The following PIERCE1 variants were observed in gnomAD, a reference collection of about 807,000 sequenced individuals.
The protein encoded by PIERCE1 is piercer of microtubule wall 1 protein.
the PIERCE1 span, chr9:135,498,540 C>A: frequency 1.9e-6 from 3 of 1,578,448 alleles, no homozygotes; most frequent in South Asian, 2.2e-5. This position sits in a 1 kb window ranked among gnomAD's most constrained non-coding sequence, Gnocchi z 4.1. Context: ...CTTCTTGAGG[C>A]CACCCACCCC....
the PIERCE1 span, among the ~76,000 whole-genome samples, chr9:135,496,485 C>T: frequency 2.6e-5 from 4 of 152,346 alleles, no homozygotes; most frequent in South Asian, 2.1e-4. Context: ...TCCTGTGCCA[C>T]GCACATCACC....
At chr9:135,498,683 C>T in the PIERCE1 span, 2 of 1,603,622 alleles carry the variant, frequency 1.2e-6, no homozygotes, top group South Asian at 1.1e-5. This position sits in a 1 kb window ranked among gnomAD's most constrained non-coding sequence, Gnocchi z 4.1. Context: ...GAGAAACACT[C>T]TATTTTCATT....
At chr9:135,498,615 C>T in the PIERCE1 span, 1 of 1,614,044 alleles carries the variant, frequency 6.2e-7, no homozygotes, top group Non-Finnish European at 8.5e-7. The surrounding 1 kb of genome is among the most constrained non-coding windows in gnomAD (Gnocchi z 4.1). Context: ...GGGCTCTGCT[C>T]CCGTAAGCCT....
chr9:135,499,823 G>A, the PIERCE1 span: 2 of 1,601,864 alleles, frequency 1.2e-6, no homozygotes, highest in Non-Finnish European at 1.7e-6. Context: ...CACAGGCTCC[G>A]CGCACGCTCT....
the PIERCE1 span, among the ~76,000 whole-genome samples, chr9:135,496,345 G>A: frequency 3.3e-5 from 5 of 152,328 alleles, no homozygotes; most frequent in African/African-American, 4.8e-5. Context: ...CCACTCGTGT[G>A]GGCGGGCACC....
chr9:135,498,564 C>G, the PIERCE1 span: 1 of 1,612,744 alleles, frequency 6.2e-7, no homozygotes, highest in Non-Finnish European at 8.5e-7. The surrounding 1 kb of genome is among the most constrained non-coding windows in gnomAD (Gnocchi z 4.1). Context: ...CCCCCCATGC[C>G]CGGTCTTGCA....
chr9:135,499,335 T>C, the PIERCE1 span: 2 of 473,448 alleles, frequency 4.2e-6, no homozygotes, highest in Non-Finnish European at 8.2e-6. Flanking sequence ...TAGCCTGCAA[T>C]GCCCTGTGGC....
At chr9:135,496,143 C>T in the PIERCE1 span, among the ~76,000 whole-genome samples, 27 of 152,136 alleles carry the variant, frequency 1.8e-4, 1 homozygote, top group East Asian at 3.3e-3. Context: ...AGTGAAATGC[C>T]GTCTCTACTA....
chr9:135,496,190 G>A, the PIERCE1 span, among the ~76,000 whole-genome samples: 18 of 152,188 alleles, frequency 1.2e-4, no homozygotes, highest in African/African-American at 2.9e-4. Flanking sequence ...GGTGGCGGGC[G>A]CATGTAATCC....
the PIERCE1 span, among the ~76,000 whole-genome samples, chr9:135,498,089 TC>T: frequency 6.6e-6 from 1 of 151,918 alleles, no homozygotes; most frequent in Non-Finnish European, 1.5e-5. The surrounding 1 kb of genome is among the most constrained non-coding windows in gnomAD (Gnocchi z 4.1). Flanking sequence ...GGGTTTGGCT[TC>T]CCCAATGGCC....
the PIERCE1 span, chr9:135,498,623 C>A: frequency 6.2e-7 from 1 of 1,614,050 alleles, no homozygotes; most frequent in Admixed American, 1.7e-5. This position sits in a 1 kb window ranked among gnomAD's most constrained non-coding sequence, Gnocchi z 4.1. Flanking sequence ...CTCCCGTAAG[C>A]CTGGTTACTG....
chr9:135,495,658 CTT>C, the PIERCE1 span: 1 of 1,463,112 alleles, frequency 6.8e-7, no homozygotes, highest in Non-Finnish European at 9.4e-7. Context: ...GTATAATACT[CTT>C]GAGCAATCCG....
the PIERCE1 span, chr9:135,499,850 A>C: frequency 6.3e-7 from 1 of 1,575,206 alleles, no homozygotes; most frequent in Non-Finnish European, 8.6e-7. Flanking sequence ...TTCCTCAGCC[A>C]TTGTGCCTGG....
At chr9:135,498,783 G>A in the PIERCE1 span, 125 of 919,348 alleles carry the variant, frequency 1.4e-4, no homozygotes, top group African/African-American at 1.3e-3. The surrounding 1 kb of genome is among the most constrained non-coding windows in gnomAD (Gnocchi z 4.1). Context: ...CAATATGCCC[G>A]GGCTGGTGAT....
At chr9:135,499,694 C>T in the PIERCE1 span, 2 of 1,607,032 alleles carry the variant, frequency 1.2e-6, no homozygotes, top group Admixed American at 3.4e-5. Context: ...ACCAGGCGGG[C>T]CCCAGCTTCC....
the PIERCE1 span, chr9:135,498,551 C>T: frequency 6.2e-7 from 1 of 1,605,102 alleles, no homozygotes; most frequent in Non-Finnish European, 8.5e-7. This position sits in a 1 kb window ranked among gnomAD's most constrained non-coding sequence, Gnocchi z 4.1. Flanking sequence ...CACCCACCCC[C>T]TGCCCCCCAT....
At chr9:135,495,729 G>C in the PIERCE1 span, 15 of 1,016,006 alleles carry the variant, frequency 1.5e-5, no homozygotes, top group African/African-American at 2.4e-4. Context: ...AGCCAGAGTG[G>C]GTAGGATGGC....
At chr9:135,499,794 G>A in the PIERCE1 span, 1 of 1,604,714 alleles carries the variant, frequency 6.2e-7, no homozygotes, top group African/African-American at 1.3e-5. Context: ...CTCTCCGGCG[G>A]GGCCGTGGCC....
At chr9:135,497,980 C>T in the PIERCE1 span, among the ~76,000 whole-genome samples, 1 of 152,198 alleles carries the variant, frequency 6.6e-6, no homozygotes. Flanking sequence ...GCAGGAGACA[C>T]CGCACTAGTC....
Sources: gnomAD v4.1 joint callset for allele counts (sites outside exome capture counted in the v4.1 genomes callset) on GRCh38, gnomAD v4.1.1 for gene constraint, Gnocchi (gnomAD v3.1) non-coding constraint, MANE v1.5 for transcripts, NCBI Gene and HGNC (gene_info 2026-07-23, HGNC 2026-07-21) for gene names.